Variants in UQCC1 observed in about 807,000 individuals in gnomAD.
UQCC1 encodes the protein ubiquinol-cytochrome c reductase complex assembly factor 1.
Under a neutral mutation model 48.0 loss-of-function variants are expected in UQCC1, and 38 were observed. That is an observed-to-expected ratio of 0.79 (90% confidence interval 0.61 to 1.04). The LOEUF (loss-of-function observed/expected upper bound fraction) is 1.04, where lower values mean the gene tolerates loss of function less well. UQCC1 is among the 50% of genes least tolerant of loss of function. UQCC1 has a pLI of 0.00. For synonymous variants in UQCC1, 111 were observed against 129.2 expected, an observed-to-expected ratio of 0.86 and a Z score of 0.95; for missense variants, 368 against 381.8, an observed-to-expected ratio of 0.96 and a Z score of 0.30.
intron 1 of UQCC1, among the ~76,000 whole-genome samples, chr20:35,395,311 A>T (rs2062061285): frequency 6.6e-6 from 1 of 152,054 alleles, no homozygotes; most frequent in Non-Finnish European, 1.5e-5. Flanking sequence ...TCCAAGAGTC[A>T]CCTTATTAAC....
chr20:35,401,502 A>G (rs2062164331), intron 1 of UQCC1, among the ~76,000 whole-genome samples: 1 of 152,200 alleles, frequency 6.6e-6, no homozygotes, highest in Non-Finnish European at 1.5e-5. Context: ...ACACATTGGC[A>G]GCTCAAATTT....
At chr20:35,404,400 C>T (rs1351474018) in intron 1 of UQCC1, among the ~76,000 whole-genome samples, 1 of 138,650 alleles carries the variant, frequency 7.2e-6, no homozygotes, top group African/African-American at 2.8e-5. Context: ...ATTAGCCGGG[C>T]ATGGTGGCAG....
At chr20:35,321,143 G>A (rs184995881) in intron 7 of UQCC1, among the ~76,000 whole-genome samples, 12 of 152,260 alleles carry the variant, frequency 7.9e-5, no homozygotes, top group Non-Finnish European at 4.4e-5. Flanking sequence ...CAAGAGAGAC[G>A]GGGGACATGG....
intron 6 of UQCC1, among the ~76,000 whole-genome samples, chr20:35,354,136 G>C (rs1423684387): frequency 6.6e-6 from 1 of 152,094 alleles, no homozygotes; most frequent in African/African-American, 2.4e-5. Context: ...TATACTCTAT[G>C]ATGCCCACAC....
At chr20:35,336,384 G>C (rs1401614774) in intron 7 of UQCC1, among the ~76,000 whole-genome samples, 1 of 152,196 alleles carries the variant, frequency 6.6e-6, no homozygotes, top group African/African-American at 2.4e-5. Flanking sequence ...TAAGACACTT[G>C]AGATGGGGAG....
At chr20:35,384,219 G>T (rs1600991713) in intron 2 of UQCC1, 86 bp from the exon 3 acceptor site, 7 of 1,225,078 alleles carry the variant, frequency 5.7e-6, no homozygotes, top group Non-Finnish European at 8.1e-6. Flanking sequence ...AAGACTATAG[G>T]ATCTTTCCAA....
chr20:35,382,160 G>A (rs965839110), intron 3 of UQCC1, 135 bp from the exon 4 acceptor site: 6 of 557,856 alleles, frequency 1.1e-5, no homozygotes, highest in Non-Finnish European at 1.9e-5. Context: ...AGGCTAAAGT[G>A]AAGTGGCACA....
intron 7 of UQCC1, chr20:35,345,704 G>T (rs1279592590): frequency 6.6e-6 from 1 of 151,954 alleles, no homozygotes; most frequent in Non-Finnish European, 1.5e-5. Flanking sequence ...AGACTGGGGG[G>T]AAAAAAGACA....
intron 1 of UQCC1, among the ~76,000 whole-genome samples, chr20:35,395,793 C>G (rs1801043274): frequency 6.6e-6 from 1 of 152,026 alleles, no homozygotes; most frequent in Non-Finnish European, 1.5e-5. Flanking sequence ...CAAGACCAAG[C>G]CTCCACATGC....
intron 1 of UQCC1, among the ~76,000 whole-genome samples, chr20:35,396,959 A>C (rs913879561): frequency 1.3e-5 from 2 of 152,170 alleles, no homozygotes; most frequent in African/African-American, 4.8e-5. Context: ...TCCTTTGCCA[A>C]GCATAATGTA....
chr20:35,407,941 G>C (rs916275560), intron 1 of UQCC1, among the ~76,000 whole-genome samples: 9 of 152,086 alleles, frequency 5.9e-5, no homozygotes, highest in African/African-American at 2.2e-4. Context: ...AGAATCACTT[G>C]AACTCAGGAG....
intron 1 of UQCC1, among the ~76,000 whole-genome samples, chr20:35,395,679 A>G (rs575566818): frequency 6.6e-5 from 10 of 152,194 alleles, no homozygotes; most frequent in Admixed American, 5.9e-4. Context: ...CAGGGACAGA[A>G]GCAACTACAC....
chr20:35,410,526 C>T (rs1238179570), intron 1 of UQCC1, among the ~76,000 whole-genome samples: 2 of 142,690 alleles, frequency 1.4e-5, no homozygotes, highest in African/African-American at 2.6e-5. Context: ...AGCGAGACTC[C>T]ATCTCAAAAA....
chr20:35,401,207 G>T (rs2062159422), intron 1 of UQCC1, among the ~76,000 whole-genome samples: 1 of 152,064 alleles, frequency 6.6e-6, no homozygotes, highest in Non-Finnish European at 1.5e-5. Context: ...ATACATTGTT[G>T]ATTCATTAAC....
intron 7 of UQCC1, among the ~76,000 whole-genome samples, chr20:35,325,915 A>G (rs746987874): frequency 1.2e-4 from 18 of 152,230 alleles, no homozygotes; most frequent in Non-Finnish European, 2.4e-4. Flanking sequence ...TCATGGTGGC[A>G]AGAATCAGAA....
chr20:35,384,097 AT>A lies in UQCC1; in HGVS notation c.165del (p.Ser56GlnfsTer7). 4 of 1,613,226 alleles carry A rather than the reference AT, an allele frequency of 2.5e-6. No homozygotes were observed. Among genetic ancestry groups the A allele is most frequent in the Non-Finnish European group, 3.4e-6 (4 of 1,179,250 alleles). On this transcript the variant is annotated frameshift_variant, in exon 3 of 10. Coordinates refer to ENST00000374385, the MANE Select transcript of UQCC1 (RefSeq NM_018244.5). LOFTEE classifies it high-confidence loss of function. Reference sequence around the variant, plus strand: ...ATGTCTATTCCAGGAATCTGTTCTGATCCACCACATGCTCGGGACTGGCTCA... The same window carrying A: ...ATGTCTATTCCAGGAATCTGTTCTGACCACCACATGCTCGGGACTGGCTCA... Reference protein sequence around the residue: ...PQMSQSRACGGSEQIPGIDIQ... With the variant: ...PQMSQSRACGXSEQIPGIDIQ...
At chr20:35,370,508 G>A (rs1025631132) in intron 5 of UQCC1, among the ~76,000 whole-genome samples, 2 of 152,074 alleles carry the variant, frequency 1.3e-5, no homozygotes, top group African/African-American at 2.4e-5. Context: ...AAGCACTTTG[G>A]TTTGATATGA....
At chr20:35,386,360 T>A (rs6088812) in intron 2 of UQCC1, 257,327 of 454,692 alleles carry the variant, frequency 0.57, 75,475 homozygotes, top group East Asian at 0.72. Context: ...ATGGAACACA[T>A]GGAATGAAAA....
At chr20:35,367,991 T>A (rs1489798121) in intron 5 of UQCC1, among the ~76,000 whole-genome samples, 5 of 152,076 alleles carry the variant, frequency 3.3e-5, no homozygotes, top group Admixed American at 3.3e-4. Context: ...TCCTGCTGGA[T>A]GAGGGGTCTC....
Sources: gnomAD v4.1 joint callset for allele counts (sites outside exome capture counted in the v4.1 genomes callset) on GRCh38, gnomAD v4.1.1 for gene constraint, MANE v1.5 for transcripts, NCBI Gene and HGNC (gene_info 2026-07-23, HGNC 2026-07-21) for gene names.